The following NDST3 variants were observed in gnomAD, a reference collection of about 807,000 sequenced individuals.
NDST3 encodes bifunctional heparan sulfate N-deacetylase/N-sulfotransferase 3.
NDST3 carries 58 observed loss-of-function variants against 96.1 expected under a neutral mutation model. The observed-to-expected ratio is 0.60, with a 90% CI of 0.49 to 0.75. The LOEUF (loss-of-function observed/expected upper bound fraction) is 0.75, where lower values mean the gene tolerates loss of function less well. NDST3 is among the 30% of genes least tolerant of loss of function. The pLI, the probability that NDST3 is intolerant of heterozygous loss-of-function variation, is 0.00. For missense variants in NDST3, 788 were observed against 1,034.2 expected, an observed-to-expected ratio of 0.76 and a Z score of 3.27; for synonymous variants, 333 against 359.7, an observed-to-expected ratio of 0.93 and a Z score of 0.84.
At position 118,252,543 on chromosome 4, in the gene NDST3, A is replaced by G. The variant is rs189447665; in HGVS notation, c.2400-956A>G. Among the ~76,000 whole-genome samples, 71 of 152,366 alleles carry G rather than the reference A, an allele frequency of 4.7e-4. 1 individual carries two copies. In the East Asian group the frequency reaches 0.012, roughly 26 times the overall value. ...AAGAGTTATATGAAATATTTTGGTA[A>G]GATAAAATGTGTATTTTAATGTGCT... On this transcript the variant is annotated intron_variant, in intron 12 of 13. Coordinates refer to ENST00000296499, the MANE Select transcript of NDST3 (RefSeq NM_004784.3).
At chr4:118,090,167 A>G (rs181443005) in intron 2 of NDST3, among the ~76,000 whole-genome samples, 2 of 152,090 alleles carry the variant, frequency 1.3e-5, no homozygotes, top group East Asian at 1.9e-4. Flanking sequence ...AAAACCACCT[A>G]TACCTACACC....
chr4:118,215,624 AC>A (rs869085972), intron 6 of NDST3, among the ~76,000 whole-genome samples: 1 of 134,330 alleles, frequency 7.4e-6, no homozygotes, highest in Admixed American at 7.9e-5. Context: ...TGAGGGAAGG[AC>A]CAGTGGAGAG....
At position 118,123,243 on chromosome 4, in the gene NDST3, A is replaced by G. The variant is rs572243639; in HGVS notation, c.1224+8283A>G. ...TATACGGTGGTTATAACAAAAATCA[A>G]TATCAACTTTTTATGCTTTCAGAAA... is the stretch of plus-strand genomic sequence containing the variant. On this transcript the variant is annotated intron_variant, in intron 4 of 13. Coordinates refer to ENST00000296499, the MANE Select transcript of NDST3 (RefSeq NM_004784.3). Among the ~76,000 whole-genome samples, 11 of 152,276 alleles carry G rather than the reference A, an allele frequency of 7.2e-5. No individual in the cohort carries two copies. The East Asian group carries it at 2.1e-3, about 29-fold the overall frequency.
At chr4:118,133,028 G>A (rs1000816052) in intron 4 of NDST3, among the ~76,000 whole-genome samples, 1 of 152,138 alleles carries the variant, frequency 6.6e-6, no homozygotes, top group Non-Finnish European at 1.5e-5. Context: ...TCCTGGGATT[G>A]GGGGAGGAGT....
At chr4:118,247,610 G>A (rs1486312298) in intron 12 of NDST3, among the ~76,000 whole-genome samples, 8 of 152,108 alleles carry the variant, frequency 5.3e-5, no homozygotes, top group Non-Finnish European at 1.0e-4. Context: ...GATGACAGCA[G>A]GGATTGACTG....
intron 9 of NDST3, among the ~76,000 whole-genome samples, chr4:118,236,493 T>C (rs1017978331): frequency 1.3e-5 from 2 of 152,212 alleles, no homozygotes; most frequent in Non-Finnish European, 2.9e-5. Context: ...AGTGGCTCTA[T>C]ATGAGAAAAA....
intron 2 of NDST3, among the ~76,000 whole-genome samples, chr4:118,059,007 A>G (rs1725683731): frequency 6.6e-6 from 1 of 152,090 alleles, no homozygotes; most frequent in Non-Finnish European, 1.5e-5. Flanking sequence ...TCAGGGTTTT[A>G]CTGAACTCCT....
intron 8 of NDST3, among the ~76,000 whole-genome samples, chr4:118,227,604 A>G (rs1345461275): frequency 1.5e-5 from 2 of 137,648 alleles, no homozygotes; most frequent in Admixed American, 1.8e-4. Flanking sequence ...TTATCACCAT[A>G]AACTTTTTTT....
intron 1 of NDST3, among the ~76,000 whole-genome samples, chr4:118,052,786 A>C (rs544418601): frequency 6.0e-4 from 91 of 152,056 alleles, no homozygotes; most frequent in African/African-American, 2.2e-3. Context: ...AATCCTAATA[A>C]ATGTAGAACA....
intron 5 of NDST3, 111 bp from the exon 6 acceptor site, chr4:118,143,445 C>CAAT: frequency 8.8e-7 from 1 of 1,132,486 alleles, no homozygotes; most frequent in Admixed American, 2.7e-5. Flanking sequence ...CCTGGTTAGA[C>CAAT]CTGAATAATT....
chr4:118,190,078 C>T (rs973794141), intron 6 of NDST3, among the ~76,000 whole-genome samples: 19 of 151,596 alleles, frequency 1.3e-4, no homozygotes, highest in African/African-American at 4.4e-4. Context: ...TCATCAAAAG[C>T]ATATCTTGCT....
intron 6 of NDST3, among the ~76,000 whole-genome samples, chr4:118,183,687 C>A (rs1025481105): frequency 6.6e-6 from 1 of 152,198 alleles, no homozygotes; most frequent in African/African-American, 2.4e-5. Context: ...ACCTCCCTTG[C>A]AAGACAAGTG....
intron 4 of NDST3, 151 bp downstream of exon 4, chr4:118,115,111 T>G (rs1318307767): frequency 1.3e-6 from 1 of 757,842 alleles, no homozygotes; most frequent in East Asian, 2.7e-5. Context: ...TATGTGGCTC[T>G]TGAGTTTGTA....
At position 118,221,832 on chromosome 4, in the gene NDST3, T is replaced by C. The variant is rs541947929; in HGVS notation, c.1540-2659T>C. Among the ~76,000 whole-genome samples the C allele has an allele frequency of 3.3e-5, 5 of 152,166 alleles. No individual in the cohort carries two copies. The South Asian group carries it at 1.0e-3, about 32-fold the overall frequency. On this transcript the variant is annotated intron_variant, in intron 6 of 13. Coordinates refer to ENST00000296499, the MANE Select transcript of NDST3 (RefSeq NM_004784.3). Reference sequence around the variant, plus strand: ...TTGGCAGTTTCAAATGATGTGAGTTTTAAGCAGCTAAACAGTCCTTTTGGT... The same window carrying C: ...TTGGCAGTTTCAAATGATGTGAGTTCTAAGCAGCTAAACAGTCCTTTTGGT...
chr4:118,208,469 G>A (rs1416116910), intron 6 of NDST3, among the ~76,000 whole-genome samples: 2 of 143,938 alleles, frequency 1.4e-5, no homozygotes, highest in African/African-American at 5.1e-5. Context: ...TTGTATCTGG[G>A]TCAGTCTTCT....
chr4:118,244,599 G>A (rs1741196791), intron 12 of NDST3, among the ~76,000 whole-genome samples: 1 of 152,138 alleles, frequency 6.6e-6, no homozygotes, highest in Non-Finnish European at 1.5e-5. Context: ...TAGAATAAAT[G>A]AATGAAGCAA....
Position 118,114,806 on chromosome 4 carries a change from G to C in NDST3, c.1070G>C (p.Gly357Ala). The C allele has an allele frequency of 6.2e-7, 1 of 1,613,770 alleles. No homozygotes were observed. Residue 357 changes from glycine (G) to alanine (A), a missense_variant and splice_region_variant, in exon 4 of 14, where the codon GGA becomes GCA. Around this residue, in one of 3 missense-constraint regions of NDST3, gnomAD observed 490 missense variants for 708.8 expected, o/e 0.69. Coordinates refer to ENST00000296499, the MANE Select transcript of NDST3 (RefSeq NM_004784.3). ...TTGGATAATATTTCCCCCCCTAAAGGAACTGAAGAGGAAGATGAAGGAGAT... is the reference window on the plus strand; with the variant it reads ...TTGGATAATATTTCCCCCCCTAAAGCAACTGAAGAGGAAGATGAAGGAGAT... Reference protein sequence around the residue: ...LGFSGKFYHTGTEEEDEGDDC... With the variant: ...LGFSGKFYHTATEEEDEGDDC...
intron 2 of NDST3, among the ~76,000 whole-genome samples, chr4:118,076,911 T>C (rs1485379950): frequency 6.6e-6 from 1 of 152,200 alleles, no homozygotes; most frequent in East Asian, 1.9e-4. Context: ...TTCTTTCTCA[T>C]CTGTGTGAGC....
chr4:118,120,525 G>A (rs926697211), intron 4 of NDST3, among the ~76,000 whole-genome samples: 3 of 152,258 alleles, frequency 2.0e-5, no homozygotes, highest in Admixed American at 1.3e-4. Flanking sequence ...CTCAACATAT[G>A]AGAGTCTGAT....
Sources: gnomAD v4.1 joint callset for allele counts (sites outside exome capture counted in the v4.1 genomes callset) on GRCh38, gnomAD v4.1.1 for gene constraint, gnomAD v4.1.1 regional missense constraint, MANE v1.5 for transcripts, NCBI Gene and HGNC (gene_info 2026-07-23, HGNC 2026-07-21) for gene names.